Variants in ZFR observed in about 807,000 individuals in gnomAD.
The protein encoded by ZFR is zinc finger RNA binding protein.
Under a neutral mutation model 130.7 loss-of-function variants are expected in ZFR, and 19 were observed. That is an observed-to-expected ratio of 0.15 (90% CI 0.10 to 0.21). The LOEUF (loss-of-function observed/expected upper bound fraction) is 0.21, where lower values mean the gene tolerates loss of function less well. Ranked by LOEUF, ZFR falls within the 10% of genes least tolerant of loss-of-function variation. ZFR has a pLI of 1.00. For missense variants in ZFR, 872 were observed against 1,321.5 expected (o/e 0.66, Z 5.27); for synonymous variants, 466 against 456.9 (o/e 1.02, Z -0.25).
At chr5:32,371,163 A>T (rs554577740) in intron 17 of ZFR, among the ~76,000 whole-genome samples, 3 of 152,160 alleles carry the variant, frequency 2.0e-5, no homozygotes, top group African/African-American at 7.2e-5. Flanking sequence ...TGAGCCCAGG[A>T]GTTCGAGACC....
intron 15 of ZFR, chr5:32,383,676 G>A (rs1752980547): frequency 2.3e-6 from 1 of 443,178 alleles, no homozygotes; most frequent in Non-Finnish European, 4.6e-6. Context: ...CTTAACCCCT[G>A]TACTAACTCC....
At chr5:32,440,745 T>C (rs1168289599) in intron 2 of ZFR, among the ~76,000 whole-genome samples, 1 of 151,916 alleles carries the variant, frequency 6.6e-6, no homozygotes, top group Non-Finnish European at 1.5e-5. Flanking sequence ...TACCACAAAA[T>C]TGTCTAATAT....
At chr5:32,380,007 T>A in intron 16 of ZFR, 68 bp downstream of exon 16, 1 of 1,315,568 alleles carries the variant, frequency 7.6e-7, no homozygotes, top group Non-Finnish European at 1.1e-6. Flanking sequence ...TTAAGCACAG[T>A]TAAACATGTT....
chr5:32,444,345 G>C lies in ZFR; in HGVS notation c.38-17C>G. 6.5e-7 allele frequency: 1 copy of C among 1,535,020 alleles called. No homozygotes were observed. The highest frequency in any genetic ancestry group is 8.8e-7 in the Non-Finnish European group (1 of 1,139,722). ...GGCTGGGCACTGCGGCGGGCACGAA[G>C]AGTCGGGTCCCATGGCGGGACAAGA... On this transcript the variant is annotated splice_polypyrimidine_tract_variant and intron_variant, in intron 1 of 19. Transcript: ENST00000265069.
In ZFR at chr5:32,429,625, T is replaced by G. The variant is rs77009131; in HGVS notation, c.138-9522A>C. ...CCAGAAGTTTCCGATTTTGGAATAT[T>G]TGCATTACACTTACCTGTTGAGCAA... On this transcript the variant is annotated intron_variant, in intron 2 of 19. Coordinates refer to ENST00000265069, the MANE Select transcript of ZFR (RefSeq NM_016107.5). 1.4e-4 allele frequency among the ~76,000 whole-genome samples: 21 copies of G among 152,312 alleles called. No homozygotes were observed. In the East Asian group the frequency reaches 4.1e-3, roughly 29 times the overall value.
At chr5:32,425,681 C>T (rs926244702) in intron 2 of ZFR, among the ~76,000 whole-genome samples, 2 of 152,142 alleles carry the variant, frequency 1.3e-5, no homozygotes, top group South Asian at 2.1e-4. Context: ...GCAGCTGCCA[C>T]CTTCTGGCTA....
intron 5 of ZFR, 41 bp downstream of exon 5, chr5:32,414,928 C>A: frequency 6.5e-7 from 1 of 1,544,694 alleles, no homozygotes; most frequent in Non-Finnish European, 8.9e-7. Context: ...AAGTCTCTTC[C>A]TAATTTGTTT....
At chr5:32,441,231 C>G (rs1197178939) in intron 2 of ZFR, among the ~76,000 whole-genome samples, 1 of 152,226 alleles carries the variant, frequency 6.6e-6, no homozygotes, top group Non-Finnish European at 1.5e-5. Flanking sequence ...CCCGCCTTAG[C>G]CTCCCAATGT....
intron 15 of ZFR, chr5:32,380,405 C>T: frequency 2.8e-6 from 1 of 362,026 alleles, no homozygotes; most frequent in Non-Finnish European, 5.2e-6. Flanking sequence ...TAAACCCTAC[C>T]CACCAAAACG....
chr5:32,390,052 G>A (rs1753128866), intron 12 of ZFR, among the ~76,000 whole-genome samples: 1 of 152,200 alleles, frequency 6.6e-6, no homozygotes, highest in African/African-American at 2.4e-5. Flanking sequence ...TTGGAAAGCT[G>A]AGGCAGGAGA....
chr5:32,416,614 C>CAAAAAAA (rs10630801), intron 4 of ZFR, among the ~76,000 whole-genome samples: 3 of 132,768 alleles, frequency 2.3e-5, no homozygotes, highest in Admixed American at 7.8e-5. Context: ...AACTCCGTCT[C>CAAAAAAA]AAAAAAAAAA....
chr5:32,390,519 AT>A (rs1426259316), intron 11 of ZFR, 82 bp from the exon 12 acceptor site: 4 of 1,355,842 alleles, frequency 3.0e-6, no homozygotes, highest in Non-Finnish European at 4.0e-6. Context: ...ATAAAAAGCA[AT>A]AAAAAACCCC....
At chr5:32,374,082 C>G (rs1240080698) in intron 17 of ZFR, among the ~76,000 whole-genome samples, 1 of 152,184 alleles carries the variant, frequency 6.6e-6, no homozygotes, top group Non-Finnish European at 1.5e-5. Flanking sequence ...AGAGTCTATT[C>G]ATACAAGTAA....
intron 7 of ZFR, 132 bp from the exon 8 acceptor site, chr5:32,403,529 T>A (rs920464630): frequency 2.7e-5 from 28 of 1,042,604 alleles, no homozygotes; most frequent in Non-Finnish European, 3.8e-5. Context: ...TGTTTTTGTA[T>A]ATACACACAT....
In ZFR at chr5:32,364,154, T is replaced by C. The variant is rs1483486586; in HGVS notation, c.2947+10A>G. On this transcript the variant is annotated intron_variant, in intron 18 of 19. Transcript: ENST00000265069. ...TCATTTTACTTCATTAAAAACAAAG[T>C]AAGAGTTACCTTTAAGAATAATCCC... 6.2e-7 allele frequency: 1 copy of C among 1,606,164 alleles called. No homozygotes were observed. Among genetic ancestry groups the C allele is most frequent in the East Asian group, 2.2e-5 (1 of 44,688 alleles).
chr5:32,428,326 AT>A (rs2111844483), intron 2 of ZFR, among the ~76,000 whole-genome samples: 1 of 152,310 alleles, frequency 6.6e-6, no homozygotes, highest in African/African-American at 2.4e-5. Context: ...AGGCAGGAGA[AT>A]CGCTTGAACC....
chr5:32,398,748 G>T (rs1195832779), intron 9 of ZFR, among the ~76,000 whole-genome samples: 3 of 151,864 alleles, frequency 2.0e-5, no homozygotes, highest in Non-Finnish European at 4.4e-5. Flanking sequence ...GTACAGTTGT[G>T]TGATCTCGGC....
At chr5:32,429,554 G>A (rs1203498448) in intron 2 of ZFR, among the ~76,000 whole-genome samples, 3 of 152,178 alleles carry the variant, frequency 2.0e-5, no homozygotes, top group Non-Finnish European at 2.9e-5. Context: ...CAACCAAGAA[G>A]TTAGTTTAAT....
At chr5:32,402,994 A>G (rs1469880896) in intron 8 of ZFR, 112 bp downstream of exon 8, 11 of 1,048,738 alleles carry the variant, frequency 1.0e-5, no homozygotes, top group Non-Finnish European at 1.1e-5. Flanking sequence ...ACAAGGTCCC[A>G]GAGAGAAGGG....
Sources: allele counts gnomAD v4.1 joint callset (sites outside exome capture counted in the v4.1 genomes callset), GRCh38; gene constraint gnomAD v4.1.1; transcripts MANE v1.5; gene names NCBI Gene and HGNC (gene_info 2026-07-23, HGNC 2026-07-21).